Variants in PTP4A2 observed in about 807,000 individuals in gnomAD.
PTP4A2 encodes protein tyrosine phosphatase 4A2, also known as protein tyrosine phosphatase type IVA 2.
A neutral mutation model predicts 22.9 loss-of-function variants in PTP4A2; 2 were observed. The observed-to-expected ratio is 0.09, with a 90% CI of 0.04 to 0.27. The LOEUF (loss-of-function observed/expected upper bound fraction) is 0.27, where lower values mean the gene tolerates loss of function less well. Among genes scored for constraint, PTP4A2 ranks in the 10% least tolerant of loss-of-function variants. PTP4A2 has a pLI of 1.00. For synonymous variants in PTP4A2, 68 were observed against 69.1 expected (o/e 0.98, Z 0.08); for missense variants, 103 against 205.1 (o/e 0.50, Z 3.04).
At chr1:31,910,185 A>ATTGG in intron 4 of PTP4A2, 73 bp from the exon 5 acceptor site, 4 of 1,125,206 alleles carry the variant, frequency 3.6e-6, no homozygotes, top group Middle Eastern at 2.0e-4. Flanking sequence ...CTGTAACTGC[A>ATTGG]TATTACCAAT....
At chr1:31,934,037 C>G (rs1013627086) in intron 1 of PTP4A2, 2 of 152,158 alleles carry the variant, frequency 1.3e-5, no homozygotes, top group Non-Finnish European at 2.9e-5. Flanking sequence ...GCAGGTAGAT[C>G]ACCTGAAGTC....
rs574790599 is a variant in PTP4A2 at position 31,924,900 on chromosome 1, T to TA, written c.-593-5243dup. Among the ~76,000 whole-genome samples, 169 of 150,352 alleles carry TA rather than the reference T, an allele frequency of 1.1e-3. No individual in the cohort carries two copies. In the Middle Eastern group the frequency reaches 0.017, roughly 15 times the overall value. ...ATTAAGAAAGGAGGGAGATAAGGGA[T>TA]AAAAAAAAAGAAAAAACTATCCAGA... On this transcript the variant is annotated intron_variant, in intron 1 of 5. Coordinates refer to ENST00000647444, the MANE Select transcript of PTP4A2 (RefSeq NM_080391.4).
chr1:31,907,731 G>C lies in PTP4A2; in HGVS notation c.*1121C>G, dbSNP rs185520389. On this transcript the variant is annotated 3_prime_UTR_variant, in exon 6 of 6. Coordinates refer to ENST00000647444, the MANE Select transcript of PTP4A2 (RefSeq NM_080391.4). ...CTTTGACGGTTCCTGAAAATTCAGA[G>C]TACAAGTCCTAAAATAAAAATTTTA... 6.6e-6 allele frequency: 1 copy of C among 152,164 alleles called. No individual in the cohort carries two copies. The highest frequency in any genetic ancestry group is 1.5e-5 in the Non-Finnish European group (1 of 67,992). The allele number at this position is 152,164 out of a possible 1,614,324, so 9.4% of individuals were successfully genotyped here. A position where few individuals can be genotyped will look rare whatever the true frequency, so the allele number is the denominator to read the frequency against.
chr1:31,916,099 A>T lies in PTP4A2; in HGVS notation c.97-112T>A. The T allele has an allele frequency of 4.7e-6, 3 of 637,616 alleles. No individual in the cohort carries two copies. In the South Asian group the frequency reaches 6.9e-5, roughly 15 times the overall value. 39.5% of individuals were successfully genotyped at this position (637,616 alleles called of 1,614,324 possible). On this transcript the variant is annotated intron_variant, in intron 2 of 5. Coordinates refer to ENST00000647444, the MANE Select transcript of PTP4A2 (RefSeq NM_080391.4). Reference sequence around the variant, plus strand: ...GGTGGTTCACGCCTATAATCCCAGCACTTTGGGAGGCCTGAGGCGGGCATA... The same window carrying T: ...GGTGGTTCACGCCTATAATCCCAGCTCTTTGGGAGGCCTGAGGCGGGCATA...
intron 1 of PTP4A2, among the ~76,000 whole-genome samples, chr1:31,936,264 C>T (rs1026561477): frequency 1.2e-4 from 18 of 151,962 alleles, no homozygotes; most frequent in African/African-American, 3.9e-4. Context: ...CAAGGTGAAA[C>T]CCCATCTCTA....
At chr1:31,914,849 T>C (rs569947904) in intron 3 of PTP4A2, among the ~76,000 whole-genome samples, 2 of 152,368 alleles carry the variant, frequency 1.3e-5, no homozygotes, top group South Asian at 2.1e-4. Context: ...CCAATCACTT[T>C]GTGCTCAAAT....
rs1362027144 is a variant in PTP4A2 at position 31,907,896 on chromosome 1, C to G, written c.*956G>C. ...GTCCTCCCTTTTAGAAGACAAGTTT[C>G]TGGGATAACCACTTAGCTTCATTGG... is the stretch of plus-strand genomic sequence containing the variant. On this transcript the variant is annotated 3_prime_UTR_variant, in exon 6 of 6. Coordinates refer to ENST00000647444, the MANE Select transcript of PTP4A2 (RefSeq NM_080391.4). 2 of 151,256 alleles carry G rather than the reference C, an allele frequency of 1.3e-5. No homozygotes were observed. Among genetic ancestry groups the G allele is most frequent in the African/African-American group, 4.9e-5 (2 of 41,144 alleles). 9.4% of individuals were successfully genotyped at this position (151,256 alleles called of 1,614,324 possible). A position where few individuals can be genotyped will look rare whatever the true frequency, so the allele number is the denominator to read the frequency against.
At chr1:31,935,712 C>G (rs1171627563) in intron 1 of PTP4A2, 1 of 152,132 alleles carries the variant, frequency 6.6e-6, no homozygotes, top group Admixed American at 6.5e-5. Flanking sequence ...ATGAAGATAC[C>G]ACCTTTCTTG....
intron 1 of PTP4A2, among the ~76,000 whole-genome samples, chr1:31,932,299 T>C (rs1652757691): frequency 1.3e-5 from 2 of 152,220 alleles, no homozygotes; most frequent in South Asian, 4.1e-4. Flanking sequence ...GCACCACTTC[T>C]CTAAAGGTAA....
intron 1 of PTP4A2, among the ~76,000 whole-genome samples, chr1:31,937,305 T>A (rs544811646): frequency 1.3e-5 from 2 of 152,228 alleles, no homozygotes; most frequent in Non-Finnish European, 2.9e-5. Context: ...AAGATCATAG[T>A]GCCGCTGGAG....
At chr1:31,910,260 AT>A (rs1178898986) in intron 4 of PTP4A2, 148 bp from the exon 5 acceptor site, 1 of 573,718 alleles carries the variant, frequency 1.7e-6, no homozygotes, top group African/African-American at 1.9e-5. Flanking sequence ...TACAGTAAAT[AT>A]ATCTCATCAT....
intron 3 of PTP4A2, among the ~76,000 whole-genome samples, chr1:31,913,551 T>C (rs1441951486): frequency 2.0e-5 from 3 of 152,158 alleles, no homozygotes; most frequent in African/African-American, 7.2e-5. Flanking sequence ...AGTGTTCCCT[T>C]TTCACCACAT....
chr1:31,923,625 C>T (rs1339203496), intron 1 of PTP4A2, among the ~76,000 whole-genome samples: 7 of 152,134 alleles, frequency 4.6e-5, no homozygotes, highest in Admixed American at 2.6e-4. Flanking sequence ...TGAGCCACCG[C>T]GCCCAGCCTG....
In PTP4A2 at chr1:31,908,785, A is replaced by T; in HGVS notation, c.*67T>A. ...ATGACACAGGTAATATTCCAGATTC[A>T]CATTTCCAGGTACCAAGAGTTCCCT... On this transcript the variant is annotated 3_prime_UTR_variant, in exon 6 of 6. Transcript: ENST00000647444. 6 of 1,111,816 alleles carry T rather than the reference A, an allele frequency of 5.4e-6. No homozygotes were observed. In the South Asian group the frequency reaches 7.7e-5, roughly 14 times the overall value. 68.9% of individuals were successfully genotyped at this position (1,111,816 alleles called of 1,614,324 possible).
Position 31,908,079 on chromosome 1 carries a change from C to G in PTP4A2, c.*773G>C. 1 of 116,606 alleles carries G rather than the reference C, an allele frequency of 8.6e-6. No individual in the cohort carries two copies. Among genetic ancestry groups the G allele is most frequent in the African/African-American group, 3.3e-5 (1 of 30,122 alleles). 7.2% of individuals were successfully genotyped at this position (116,606 alleles called of 1,614,324 possible). A position where few individuals can be genotyped will look rare whatever the true frequency, so the allele number is the denominator to read the frequency against. On this transcript the variant is annotated 3_prime_UTR_variant, in exon 6 of 6. Coordinates refer to ENST00000647444, the MANE Select transcript of PTP4A2 (RefSeq NM_080391.4). Reference sequence around the variant, plus strand: ...GTTTTGAAGAAACTAACATGAACACCCTTTCATCAGTAAAGACTAAAAACC... The same window carrying G: ...GTTTTGAAGAAACTAACATGAACACGCTTTCATCAGTAAAGACTAAAAACC...
chr1:31,929,005 G>A (rs1021761284), intron 1 of PTP4A2, among the ~76,000 whole-genome samples: 4 of 152,132 alleles, frequency 2.6e-5, no homozygotes, highest in African/African-American at 9.7e-5. Flanking sequence ...AAATGAAAAG[G>A]GAGTGGTTTT....
chr1:31,918,849 T>C, intron 2 of PTP4A2, 121 bp downstream of exon 2: 2 of 610,948 alleles, frequency 3.3e-6, no homozygotes, highest in South Asian at 3.9e-5. Flanking sequence ...CCCAACCCAA[T>C]TCAAACCAGG....
Position 31,915,900 on chromosome 1 carries a change from C to T in PTP4A2, c.184G>A (p.Val62Ile), listed in dbSNP as rs1331455334. ...KAPVEKEGIH[V>I]LDWPFDDGAP... is the part of the protein sequence containing the mutation. ...TTTAAATACTACACACTCACTAGAA[C>T]GTGGATTCCTTCTTTTTCAACTGGA... Residue 62 changes from valine (V) to isoleucine (I), a missense_variant, in exon 3 of 6, where the codon GTT becomes ATT. By Grantham distance (29) the Val-to-Ile change is conservative. Coordinates refer to ENST00000647444, the MANE Select transcript of PTP4A2 (RefSeq NM_080391.4). 29 of 1,585,082 alleles carry T rather than the reference C, an allele frequency of 1.8e-5. No homozygotes were observed. The highest frequency in any genetic ancestry group is 2.7e-5 in the African/African-American group (2 of 72,888).
At chr1:31,931,083 T>TC (rs541233163) in intron 1 of PTP4A2, 2 of 152,188 alleles carry the variant, frequency 1.3e-5, no homozygotes, top group Non-Finnish European at 2.9e-5. Context: ...CAGCCAATCT[T>TC]CAAACAAGCA....
Sources: gnomAD v4.1 joint callset for allele counts (sites outside exome capture counted in the v4.1 genomes callset) on GRCh38, gnomAD v4.1.1 for gene constraint, MANE v1.5 for transcripts, NCBI Gene and HGNC (gene_info 2026-07-23, HGNC 2026-07-21) for gene names.